The following RYR3 variants were observed in gnomAD, a reference collection of about 807,000 sequenced individuals.
RYR3 encodes brain ryanodine receptor-calcium release channel.
A neutral mutation model predicts 584.3 loss-of-function variants in RYR3; 207 were observed. That is an observed-to-expected ratio of 0.35 (90% CI 0.32 to 0.40). The LOEUF is 0.40. Among genes scored for constraint, RYR3 ranks in the 10% least tolerant of loss-of-function variants. The pLI is 1.00. For synonymous variants in RYR3, 2,416 were observed against 2,248.5 expected (o/e 1.07, Z -2.11); for missense variants, 5,616 against 6,089.2 (o/e 0.92, Z 2.59).
intron 1 of RYR3, among the ~76,000 whole-genome samples, chr15:33,458,509 G>A (rs1327674328): frequency 6.6e-6 from 1 of 152,168 alleles, no homozygotes; most frequent in Admixed American, 6.5e-5. Context: ...CATAATCTGT[G>A]TGTATATTTG....
At chr15:33,512,463 G>C (rs1445399047) in intron 3 of RYR3, among the ~76,000 whole-genome samples, 1 of 152,180 alleles carries the variant, frequency 6.6e-6, no homozygotes, top group Non-Finnish European at 1.5e-5. Flanking sequence ...TAAAGCTCCA[G>C]ACTCTCTCAA....
intron 81 of RYR3, among the ~76,000 whole-genome samples, 167 bp downstream of exon 81, chr15:33,823,239 T>C (rs898698375): frequency 9.8e-5 from 15 of 152,338 alleles, no homozygotes; most frequent in African/African-American, 3.6e-4. Flanking sequence ...GCCTTCAGGA[T>C]GACAATTCAG....
chr15:33,816,610 G>A (rs2076824727), intron 74 of RYR3, among the ~76,000 whole-genome samples: 1 of 152,172 alleles, frequency 6.6e-6, no homozygotes, highest in African/African-American at 2.4e-5. Context: ...GAACAGAGTA[G>A]GATTACAGAT....
intron 1 of RYR3, among the ~76,000 whole-genome samples, chr15:33,394,780 T>C (rs558481442): frequency 2.0e-5 from 3 of 152,312 alleles, no homozygotes; most frequent in African/African-American, 7.2e-5. Context: ...GTCAAGCTAA[T>C]TTCTAAATAA....
At chr15:33,796,702 A>G (rs1429538824) in intron 67 of RYR3, among the ~76,000 whole-genome samples, 1 of 152,204 alleles carries the variant, frequency 6.6e-6, no homozygotes, top group African/African-American at 2.4e-5. Flanking sequence ...AAATTTCTCA[A>G]AGAACTAAAA....
intron 10 of RYR3, among the ~76,000 whole-genome samples, chr15:33,560,039 T>G (rs894045025): frequency 6.6e-6 from 1 of 152,204 alleles, no homozygotes; most frequent in Non-Finnish European, 1.5e-5. Flanking sequence ...AGAGAATGAT[T>G]GGATTAGCTC....
intron 1 of RYR3, among the ~76,000 whole-genome samples, chr15:33,466,457 C>G (rs958322882): frequency 6.6e-6 from 1 of 152,084 alleles, no homozygotes; most frequent in African/African-American, 2.4e-5. Context: ...AGATGGGTAG[C>G]TTTCACTAAC....
chr15:33,492,927 C>A (rs933448924), intron 2 of RYR3, among the ~76,000 whole-genome samples: 2 of 152,112 alleles, frequency 1.3e-5, no homozygotes, highest in Admixed American at 1.3e-4. Flanking sequence ...GATACCACTG[C>A]CTTGGTAATA....
chr15:33,753,507 G>A (rs2071527272), intron 57 of RYR3, among the ~76,000 whole-genome samples: 1 of 152,176 alleles, frequency 6.6e-6, no homozygotes, highest in Admixed American at 6.5e-5. Context: ...TGCTACGTAG[G>A]ATCATGCTTG....
chr15:33,704,376 G>A (rs796873742), intron 42 of RYR3, among the ~76,000 whole-genome samples: 6 of 152,122 alleles, frequency 3.9e-5, no homozygotes, highest in African/African-American at 7.2e-5. Flanking sequence ...AGCTGCAAAC[G>A]GAGTAAGTGA....
chr15:33,756,395 C>T, intron 59 of RYR3, 22 bp downstream of exon 59: 3 of 1,520,458 alleles, frequency 2.0e-6, no homozygotes, highest in Non-Finnish European at 2.7e-6. Flanking sequence ...TGCACTTAAT[C>T]AAATTACTTT....
At position 33,794,305 on chromosome 15, in the gene RYR3, A is replaced by ATAT. The variant is rs1385213174; in HGVS notation, c.9830+5848_9830+5849insATT. On this transcript the variant is annotated intron_variant, in intron 67 of 103. Transcript: ENST00000634891. ...GAAAGAAAAGATTTTTTATATATAT[A>ATAT]TTTTTATATATATATATTTTTATAT... Among the ~76,000 whole-genome samples the ATAT allele has an allele frequency of 2.9e-3, 290 of 100,266 alleles. 13 individuals are homozygous for ATAT. Among genetic ancestry groups the ATAT allele is most frequent in the Non-Finnish European group, 4.9e-3 (235 of 48,228 alleles). The allele number at this position is 100,266 out of a possible 152,430, so 65.8% of individuals were successfully genotyped here. A position where few individuals can be genotyped will look rare whatever the true frequency, so the allele number is the denominator to read the frequency against.
At chr15:33,400,325 G>A (rs1375442138) in intron 1 of RYR3, among the ~76,000 whole-genome samples, 1 of 152,122 alleles carries the variant, frequency 6.6e-6, no homozygotes, top group Non-Finnish European at 1.5e-5. Context: ...TAAATGGAAT[G>A]ATCAACCCTA....
At chr15:33,846,696 C>G (rs1484579139) in intron 93 of RYR3, among the ~76,000 whole-genome samples, 1 of 152,172 alleles carries the variant, frequency 6.6e-6, no homozygotes, top group Admixed American at 6.5e-5. Context: ...GACTCTATTG[C>G]AACTATGAAA....
At chr15:33,781,134 A>C (rs1015301677) in intron 65 of RYR3, among the ~76,000 whole-genome samples, 2 of 152,186 alleles carry the variant, frequency 1.3e-5, no homozygotes, top group Non-Finnish European at 2.9e-5. Context: ...CTAAAATCCA[A>C]GGCAGGTTGT....
intron 1 of RYR3, among the ~76,000 whole-genome samples, chr15:33,356,527 G>T (rs545843102): frequency 6.6e-6 from 1 of 152,036 alleles, no homozygotes; most frequent in Non-Finnish European, 1.5e-5. Flanking sequence ...ACAGATCTAA[G>T]AAATAATGAT....
chr15:33,637,672 TG>T (rs2061568112), intron 27 of RYR3, among the ~76,000 whole-genome samples: 1 of 152,238 alleles, frequency 6.6e-6, no homozygotes, highest in South Asian at 2.1e-4. Context: ...CACAAATACA[TG>T]AAACTGTGTG....
chr15:33,564,871 A>T (rs2339306), intron 11 of RYR3, among the ~76,000 whole-genome samples: 99,840 of 152,080 alleles, frequency 0.66, 33,738 homozygotes, highest in Middle Eastern at 0.76. Context: ...AGCCCTTGAC[A>T]GGGCTACACT....
At chr15:33,710,247 G>A (rs779164413) in intron 43 of RYR3, among the ~76,000 whole-genome samples, 4 of 151,930 alleles carry the variant, frequency 2.6e-5, no homozygotes, top group Non-Finnish European at 4.4e-5. Context: ...GGGAGCTTCC[G>A]ATCATGGCAG....
Sources: gnomAD v4.1 joint callset for allele counts (sites outside exome capture counted in the v4.1 genomes callset) on GRCh38, gnomAD v4.1.1 for gene constraint, MANE v1.5 for transcripts, NCBI Gene and HGNC (gene_info 2026-07-23, HGNC 2026-07-21) for gene names.